Variants in SEMA3A observed in about 807,000 individuals in gnomAD.
SEMA3A encodes the protein semaphorin 3A.
A neutral mutation model predicts 97.9 loss-of-function variants in SEMA3A; 29 were observed. The observed-to-expected ratio is 0.30, with a 90% CI of 0.22 to 0.40. The LOEUF (loss-of-function observed/expected upper bound fraction) is 0.40, where lower values mean the gene tolerates loss of function less well. Ranked by LOEUF, SEMA3A falls within the 10% of genes least tolerant of loss-of-function variation. The pLI is 1.00. For synonymous variants in SEMA3A, 321 were observed against 323.7 expected, an observed-to-expected ratio of 0.99 and a Z score of 0.09; for missense variants, 763 against 951.3, an observed-to-expected ratio of 0.80 and a Z score of 2.60.
chr7:84,283,609 A>C (rs991185274), intron 3 of SEMA3A, among the ~76,000 whole-genome samples: 2 of 152,130 alleles, frequency 1.3e-5, no homozygotes, highest in African/African-American at 4.8e-5. Context: ...GCATAATAGA[A>C]ACAAAGTATC....
intron 2 of SEMA3A, among the ~76,000 whole-genome samples, chr7:84,335,403 T>C (rs1486382567): frequency 6.6e-6 from 1 of 152,156 alleles, no homozygotes; most frequent in Non-Finnish European, 1.5e-5. Flanking sequence ...TTAGCAAATA[T>C]AGGTTATAGT....
chr7:84,239,044 A>T, intron 3 of SEMA3A, among the ~76,000 whole-genome samples: 1 of 152,200 alleles, frequency 6.6e-6, no homozygotes, highest in Admixed American at 6.5e-5. Context: ...AAAGCCATGT[A>T]GCAAACCTAA....
At chr7:84,231,304 A>G (rs1584149094) in intron 3 of SEMA3A, among the ~76,000 whole-genome samples, 1 of 152,066 alleles carries the variant, frequency 6.6e-6, no homozygotes, top group East Asian at 1.9e-4. Context: ...GTCAATAAAT[A>G]TGTGTCTGCC....
chr7:84,057,318 A>T (rs1267774463), intron 5 of SEMA3A, among the ~76,000 whole-genome samples: 1 of 152,222 alleles, frequency 6.6e-6, no homozygotes, highest in African/African-American at 2.4e-5. Context: ...AAAATGTGAG[A>T]TAGTACTTAG....
intron 6 of SEMA3A, among the ~76,000 whole-genome samples, chr7:84,021,039 A>G (rs2116440080): frequency 6.6e-6 from 1 of 152,354 alleles, no homozygotes; most frequent in East Asian, 1.9e-4. Flanking sequence ...TACCACATGG[A>G]TCAATATATA....
At chr7:84,170,045 A>G (rs1245372976) in intron 1 of SEMA3A, among the ~76,000 whole-genome samples, 1 of 151,944 alleles carries the variant, frequency 6.6e-6, no homozygotes, top group East Asian at 1.9e-4. Context: ...AAAGGAAATG[A>G]CAAATATTAA....
At chr7:84,387,425 G>A (rs1010863773) in intron 1 of SEMA3A, among the ~76,000 whole-genome samples, 3 of 152,106 alleles carry the variant, frequency 2.0e-5, no homozygotes, top group Non-Finnish European at 4.4e-5. Context: ...TTAAATTAGC[G>A]GAAAAGGGAT....
At chr7:84,426,855 A>C (rs1804841410) in intron 1 of SEMA3A, among the ~76,000 whole-genome samples, 1 of 152,102 alleles carries the variant, frequency 6.6e-6, no homozygotes, top group African/African-American at 2.4e-5. Flanking sequence ...CTCCTTTGGA[A>C]GGTGATAACT....
At chr7:84,250,131 G>C (rs897684206) in intron 3 of SEMA3A, among the ~76,000 whole-genome samples, 2 of 151,690 alleles carry the variant, frequency 1.3e-5, no homozygotes, top group African/African-American at 4.8e-5. Context: ...AAACTATACT[G>C]GTGTGTGATT....
intron 4 of SEMA3A, among the ~76,000 whole-genome samples, chr7:84,086,535 ATAT>A (rs1363890256): frequency 1.5e-5 from 1 of 64,744 alleles, no homozygotes; most frequent in Non-Finnish European, 4.4e-5. Flanking sequence ...ATATATTATT[ATAT>A]TATATTTACA....
chr7:84,274,206 G>A (rs1205560547), intron 3 of SEMA3A, among the ~76,000 whole-genome samples: 2 of 151,838 alleles, frequency 1.3e-5, no homozygotes, highest in Non-Finnish European at 2.9e-5. Context: ...AACCGAAAGT[G>A]CATGATCCAC....
At chr7:84,230,522 A>G (rs1014617553) in intron 3 of SEMA3A, among the ~76,000 whole-genome samples, 1 of 152,016 alleles carries the variant, frequency 6.6e-6, no homozygotes, top group African/African-American at 2.4e-5. Context: ...TCTCCTATGC[A>G]CATAACTTTG....
At chr7:84,057,031 AT>A (rs1249870269) in intron 5 of SEMA3A, among the ~76,000 whole-genome samples, 1 of 152,106 alleles carries the variant, frequency 6.6e-6, no homozygotes, top group East Asian at 1.9e-4. Flanking sequence ...GCTTCAAATA[AT>A]TTTTTCAATT....
chr7:84,181,503 T>C (rs544204897), intron 1 of SEMA3A, among the ~76,000 whole-genome samples: 6 of 152,202 alleles, frequency 3.9e-5, no homozygotes, highest in Admixed American at 2.6e-4. Flanking sequence ...GACGTAATTA[T>C]GTCTAACTAC....
chr7:84,356,380 C>T (rs10236082), intron 2 of SEMA3A, among the ~76,000 whole-genome samples: 43,435 of 151,150 alleles, frequency 0.29, 6,718 homozygotes, highest in African/African-American at 0.38. Context: ...AATTACCCTT[C>T]ATTAACTCAT....
intron 1 of SEMA3A, among the ~76,000 whole-genome samples, chr7:84,381,565 G>T (rs1031131872): frequency 6.6e-6 from 1 of 152,078 alleles, no homozygotes; most frequent in Non-Finnish European, 1.5e-5. Flanking sequence ...TAAAGTACTC[G>T]ATTTCTGCCC....
chr7:83,990,624 G>C (rs1053420730), intron 12 of SEMA3A, among the ~76,000 whole-genome samples: 4 of 146,912 alleles, frequency 2.7e-5, no homozygotes, highest in African/African-American at 7.6e-5. Context: ...AGATCAGATA[G>C]TTGTAGATAT....
chr7:84,014,879 T>G (rs1221772626), intron 6 of SEMA3A, among the ~76,000 whole-genome samples: 2 of 152,114 alleles, frequency 1.3e-5, no homozygotes, highest in African/African-American at 4.8e-5. Flanking sequence ...GAAAAAACCC[T>G]GGCCACCCTT....
intron 4 of SEMA3A, among the ~76,000 whole-genome samples, chr7:84,099,011 T>C (rs1020766323): frequency 6.6e-5 from 10 of 151,716 alleles, no homozygotes; most frequent in Non-Finnish European, 1.2e-4. Context: ...ACAATAGTTA[T>C]AGCAGAAGAT....
Sources: gnomAD v4.1 joint callset for allele counts (sites outside exome capture counted in the v4.1 genomes callset) on GRCh38, gnomAD v4.1.1 for gene constraint, MANE v1.5 for transcripts, NCBI Gene and HGNC (gene_info 2026-07-23, HGNC 2026-07-21) for gene names.